The following SGK3 variants were observed in gnomAD, a reference collection of about 807,000 sequenced individuals.
SGK3 encodes serum/glucocorticoid regulated kinase family member 3.
SGK3 carries 47 observed loss-of-function variants against 68.5 expected under a neutral mutation model. The ratio of observed to expected loss-of-function variants is 0.69; its 90% CI spans 0.54 to 0.87. The LOEUF (loss-of-function observed/expected upper bound fraction) is 0.87. SGK3 is among the 40% of genes least tolerant of loss of function. The pLI is 0.00. For missense variants in SGK3, 479 were observed against 575.5 expected (o/e 0.83, Z 1.72); for synonymous variants, 181 against 189.1 (o/e 0.96, Z 0.35).
intron 2 of SGK3, among the ~76,000 whole-genome samples, chr8:66,797,701 C>T (rs1807755548): frequency 6.6e-6 from 1 of 152,128 alleles, no homozygotes; most frequent in Non-Finnish European, 1.5e-5. Context: ...AGGAAGAGAA[C>T]TAACAATTGA....
Position 66,812,943 on chromosome 8 carries a change from C to T in SGK3, c.254-910C>T, listed in dbSNP as rs141917879. ...CTATTGCATGAGCTTCAATTATCAACAAACAAAACACTTCAAAAATACTGG... is the reference window on the plus strand; with the variant it reads ...CTATTGCATGAGCTTCAATTATCAATAAACAAAACACTTCAAAAATACTGG... On this transcript the variant is annotated intron_variant, in intron 4 of 16. Transcript: ENST00000521198. Among the ~76,000 whole-genome samples, 599 of 152,244 alleles carry T rather than the reference C, an allele frequency of 3.9e-3. 6 individuals carry two copies. The highest frequency in any genetic ancestry group is 0.014 in the African/African-American group (570 of 41,548).
chr8:66,768,784 C>T lies in SGK3; in HGVS notation c.-121-24832C>T, dbSNP rs749655645. Reference sequence around the variant, plus strand: ...TTCACCATATTTACCAGGCTCGTCTCGAACTCCTGACCTCAAGTGATCTGC... The same window carrying T: ...TTCACCATATTTACCAGGCTCGTCTTGAACTCCTGACCTCAAGTGATCTGC... On this transcript the variant is annotated intron_variant, in intron 1 of 16. Transcript: ENST00000521198. Among the ~76,000 whole-genome samples, 4 of 152,084 alleles carry T rather than the reference C, an allele frequency of 2.6e-5. No individual in the cohort carries two copies. In the East Asian group the frequency reaches 5.8e-4, roughly 22 times the overall value.
chr8:66,827,605 T>C (rs1809118066), intron 6 of SGK3, among the ~76,000 whole-genome samples: 1 of 152,126 alleles, frequency 6.6e-6, no homozygotes, highest in Non-Finnish European at 1.5e-5. Context: ...GTGGCTTTTA[T>C]AAAAAATGAT....
At chr8:66,778,580 C>T (rs1806820467) in intron 1 of SGK3, among the ~76,000 whole-genome samples, 1 of 152,240 alleles carries the variant, frequency 6.6e-6, no homozygotes, top group African/African-American at 2.4e-5. Context: ...CAGGCGTGAG[C>T]CACCGTGCCC....
intron 3 of SGK3, among the ~76,000 whole-genome samples, chr8:66,803,888 G>C (rs1352501468): frequency 6.6e-6 from 1 of 152,072 alleles, no homozygotes; most frequent in Non-Finnish European, 1.5e-5. Flanking sequence ...GGGAAGGTTA[G>C]AGCAGATAGG....
chr8:66,861,788 GGTTT>G lies in SGK3; in HGVS notation c.*2208_*2211del, dbSNP rs1810751812. The G allele has an allele frequency of 6.6e-6, 1 of 151,906 alleles. No homozygotes were observed. Among genetic ancestry groups the G allele is most frequent in the Admixed American group, 6.6e-5 (1 of 15,238 alleles). 9.4% of individuals were successfully genotyped at this position (151,906 alleles called of 1,614,324 possible). On this transcript the variant is annotated 3_prime_UTR_variant, in exon 17 of 17. Transcript: ENST00000521198. ...TTTAATATCTATACTGTAAATATTT[GGTTT>G]ATTTGGCACTACTGTAAGTTTTGTT...
chr8:66,855,171 G>T (rs1810460607), intron 16 of SGK3, among the ~76,000 whole-genome samples: 1 of 152,162 alleles, frequency 6.6e-6, no homozygotes, highest in South Asian at 2.1e-4. Flanking sequence ...AAAGTTGGTA[G>T]ATTTGACTAC....
chr8:66,797,748 CT>C (rs1807757324), intron 2 of SGK3, among the ~76,000 whole-genome samples: 2 of 152,090 alleles, frequency 1.3e-5, no homozygotes, highest in Non-Finnish European at 2.9e-5. Context: ...TTTGAAAATA[CT>C]TTGTAAGTTC....
chr8:66,820,868 G>T (rs1262788233), intron 5 of SGK3, among the ~76,000 whole-genome samples: 1 of 151,766 alleles, frequency 6.6e-6, no homozygotes, highest in Admixed American at 6.6e-5. Flanking sequence ...CATGCCTGGG[G>T]TTTTTTATTT....
chr8:66,843,120 G>T (rs1398526332), intron 13 of SGK3, among the ~76,000 whole-genome samples: 2 of 151,998 alleles, frequency 1.3e-5, no homozygotes, highest in Non-Finnish European at 2.9e-5. Flanking sequence ...ATGACCAAAT[G>T]AACTTCTAAA....
intron 3 of SGK3, among the ~76,000 whole-genome samples, chr8:66,803,929 A>T (rs1047020313): frequency 6.6e-6 from 1 of 152,182 alleles, no homozygotes; most frequent in African/African-American, 2.4e-5. Flanking sequence ...CTGCTTTCTT[A>T]GAAATTTATT....
chr8:66,740,183 C>T (rs560747954), intron 1 of SGK3, among the ~76,000 whole-genome samples: 1 of 152,290 alleles, frequency 6.6e-6, no homozygotes, highest in Admixed American at 6.5e-5. Context: ...GTCTGCAACT[C>T]CCTAAGACAC....
In SGK3 at chr8:66,823,758, A is replaced by G. The variant is rs561576325; in HGVS notation, c.417+1299A>G. 3.9e-4 allele frequency among the ~76,000 whole-genome samples: 60 copies of G among 152,304 alleles called. 1 individual carries two copies. In the South Asian group the frequency reaches 0.012, roughly 30 times the overall value. ...AAAATAAGCTTGTGTCTTATTATGA[A>G]GATGTTTTCAACATTTACCATTCGA... On this transcript the variant is annotated intron_variant, in intron 6 of 16. Transcript: ENST00000521198.
intron 2 of SGK3, 84 bp downstream of exon 2, chr8:66,793,916 C>A: frequency 2.1e-6 from 3 of 1,395,970 alleles, no homozygotes; most frequent in South Asian, 1.3e-5. Context: ...CAACCTAGAA[C>A]ACCCCCTTCC....
intron 1 of SGK3, among the ~76,000 whole-genome samples, chr8:66,723,131 ATTTTTTTTTT>A (rs1177940065): frequency 2.4e-4 from 7 of 29,494 alleles, no homozygotes; most frequent in African/African-American, 7.3e-4. Context: ...ATATATATAT[ATTTTTTTTTT>A]TTTTTTTTTT....
At chr8:66,836,153 G>A in intron 10 of SGK3, 79 bp downstream of exon 10, 1 of 1,524,168 alleles carries the variant, frequency 6.6e-7, no homozygotes, top group Non-Finnish European at 8.8e-7. Flanking sequence ...GTAAGTTTTA[G>A]AAGGACAGTA....
chr8:66,739,585 G>A (rs1307352177), intron 1 of SGK3, among the ~76,000 whole-genome samples: 5 of 152,134 alleles, frequency 3.3e-5, no homozygotes, highest in South Asian at 2.1e-4. Flanking sequence ...TAGTAAAGAC[G>A]GGGTTTCACC....
Position 66,843,440 on chromosome 8 carries a change from T to C in SGK3, c.979-12T>C. 6.2e-7 allele frequency: 1 copy of C among 1,604,318 alleles called. No homozygotes were observed. The highest frequency in any genetic ancestry group is 8.5e-7 in the Non-Finnish European group (1 of 1,176,474). On this transcript the variant is annotated splice_polypyrimidine_tract_variant and intron_variant, in intron 13 of 16. Coordinates refer to ENST00000521198, the MANE Select transcript of SGK3 (RefSeq NM_001033578.3). ...TTACTGACTTGCTCTAATATTTTAT[T>C]GTTTTCTATAGTATCTTGCACCTGA...
At chr8:66,829,835 G>T (rs1271075042) in intron 7 of SGK3, among the ~76,000 whole-genome samples, 1 of 151,090 alleles carries the variant, frequency 6.6e-6, no homozygotes. Flanking sequence ...GTTGTTCATA[G>T]CATTGAACAA....
Sources: allele counts gnomAD v4.1 joint callset (sites outside exome capture counted in the v4.1 genomes callset), GRCh38; gene constraint gnomAD v4.1.1; transcripts MANE v1.5; gene names NCBI Gene and HGNC (gene_info 2026-07-23, HGNC 2026-07-21).